CAMTA1: variants seen among roughly 807,000 people sequenced by gnomAD.
CAMTA1 encodes the protein calmodulin binding transcription activator 1.
CAMTA1 carries 27 observed loss-of-function variants against 170.9 expected under a neutral mutation model. The ratio of observed to expected loss-of-function variants is 0.16; its 90% confidence interval spans 0.12 to 0.22. The LOEUF (loss-of-function observed/expected upper bound fraction) is 0.22, where lower values mean the gene tolerates loss of function less well. Ranked by LOEUF, CAMTA1 falls within the 10% of genes least tolerant of loss-of-function variation. CAMTA1 has a pLI of 1.00. For synonymous variants in CAMTA1, 833 were observed against 891.5 expected (o/e 0.93, Z 1.17); for missense variants, 1,619 against 2,217.2 (o/e 0.73, Z 5.42).
At chr1:7,677,538 G>A in intron 10 of CAMTA1, 61 bp from the exon 11 acceptor site, 1 of 1,568,608 alleles carries the variant, frequency 6.4e-7, no homozygotes, top group Non-Finnish European at 8.7e-7. Context: ...GGCCCTGTGT[G>A]GTTCACCAGG....
chr1:7,288,007 G>A (rs1672588941), intron 5 of CAMTA1, among the ~76,000 whole-genome samples: 1 of 152,226 alleles, frequency 6.6e-6, no homozygotes, highest in Non-Finnish European at 1.5e-5. Context: ...TATCCAGTTA[G>A]TTTGGTGACT....
chr1:7,153,880 G>C (rs1324919201), intron 4 of CAMTA1, among the ~76,000 whole-genome samples: 2 of 152,200 alleles, frequency 1.3e-5, no homozygotes, highest in Non-Finnish European at 2.9e-5. Context: ...CCCTGAGAAG[G>C]CTGCATGGTG....
chr1:7,583,390 A>G (rs2150411342), intron 6 of CAMTA1, among the ~76,000 whole-genome samples: 1 of 152,216 alleles, frequency 6.6e-6, no homozygotes, highest in South Asian at 2.1e-4. Context: ...GGGTACTCTG[A>G]GCTCTAGGAA....
intron 6 of CAMTA1, among the ~76,000 whole-genome samples, chr1:7,639,351 G>A (rs1195912561): frequency 6.6e-6 from 1 of 152,180 alleles, no homozygotes; most frequent in Non-Finnish European, 1.5e-5. Flanking sequence ...GTGCCCAGAA[G>A]TTTGGGAAAC....
chr1:7,638,366 C>T (rs1221656101), intron 6 of CAMTA1, among the ~76,000 whole-genome samples: 1 of 152,296 alleles, frequency 6.6e-6, no homozygotes, highest in African/African-American at 2.4e-5. Flanking sequence ...TCAGGCCAGG[C>T]GCAGTGGCTC....
intron 11 of CAMTA1, among the ~76,000 whole-genome samples, chr1:7,695,879 G>A (rs899897169): frequency 6.6e-6 from 1 of 152,172 alleles, no homozygotes; most frequent in Non-Finnish European, 1.5e-5. Context: ...TGCAGGAGAC[G>A]GCTGTCATTT....
intron 4 of CAMTA1, among the ~76,000 whole-genome samples, chr1:7,128,884 A>C (rs1645088002): frequency 8.0e-6 from 1 of 125,284 alleles, no homozygotes; most frequent in Non-Finnish European, 1.6e-5. Flanking sequence ...TCTGTTGGCC[A>C]GGCTGAAGTG....
At chr1:6,902,072 C>CAAAAAAAAAAAA in intron 3 of CAMTA1, among the ~76,000 whole-genome samples, 1 of 88,470 alleles carries the variant, frequency 1.1e-5, no homozygotes, top group Non-Finnish European at 2.6e-5. Context: ...CACACACACA[C>CAAAAAAAAAAAA]AAAAAAAAAA....
intron 4 of CAMTA1, among the ~76,000 whole-genome samples, chr1:7,214,177 T>C (rs1460101874): frequency 6.6e-6 from 1 of 152,176 alleles, no homozygotes; most frequent in East Asian, 1.9e-4. Flanking sequence ...CCCTGAGGAA[T>C]CGCCACACTG....
chr1:7,421,334 A>T (rs901815046), intron 5 of CAMTA1, among the ~76,000 whole-genome samples: 1 of 151,964 alleles, frequency 6.6e-6, no homozygotes, highest in Non-Finnish European at 1.5e-5. Flanking sequence ...TGTAATTTTT[A>T]GTAGAGACGG....
chr1:6,983,660 C>T (rs1572212431), intron 3 of CAMTA1, among the ~76,000 whole-genome samples: 1 of 148,842 alleles, frequency 6.7e-6, no homozygotes, highest in Non-Finnish European at 1.5e-5. Flanking sequence ...AGCAGGCACT[C>T]AATAATTGGA....
At chr1:7,082,397 C>T (rs574693864) in intron 3 of CAMTA1, among the ~76,000 whole-genome samples, 19 of 152,076 alleles carry the variant, frequency 1.2e-4, no homozygotes, top group Non-Finnish European at 1.6e-4. Context: ...AAGATCATGC[C>T]GCTGCCTTCC....
At chr1:7,307,599 G>T (rs926507089) in intron 5 of CAMTA1, among the ~76,000 whole-genome samples, 1 of 152,036 alleles carries the variant, frequency 6.6e-6, no homozygotes, top group East Asian at 1.9e-4. Context: ...CCCTTCATCT[G>T]GTTGAGAATA....
Position 7,744,565 on chromosome 1 carries a change from G to A in CAMTA1, c.4183-270G>A, listed in dbSNP as rs539732842. The stretch of plus-strand genomic sequence containing the variant: ...CATTAATTGGTTGACCCTGAGAGTA[G>A]GGAGTACATACAAGCCAGAAGTTCT... On this transcript the variant is annotated intron_variant, in intron 16 of 22. Transcript: ENST00000303635. 5.9e-5 allele frequency among the ~76,000 whole-genome samples: 9 copies of A among 152,304 alleles called. No homozygotes were observed. In the South Asian group the frequency reaches 1.9e-3, roughly 32 times the overall value.
chr1:7,472,319 G>A (rs972863837), intron 6 of CAMTA1, among the ~76,000 whole-genome samples: 1 of 152,086 alleles, frequency 6.6e-6, no homozygotes, highest in Non-Finnish European at 1.5e-5. Context: ...AGCTCCTTGG[G>A]GGACTCTGGA....
Position 7,670,843 on chromosome 1 carries a change from G to A in CAMTA1, c.2653-68G>A, listed in dbSNP as rs953413338. ...CCATCTGAGCAGTGAAGCCTCAGGG[G>A]GGCTTCCCCATGCTGCCTCCCACAG... On this transcript the variant is annotated intron_variant, in intron 9 of 22. Coordinates refer to ENST00000303635, the MANE Select transcript of CAMTA1 (RefSeq NM_015215.4). The A allele has an allele frequency of 7.6e-6, 12 of 1,570,692 alleles. No homozygotes were observed. The African/African-American group carries it at 1.5e-4, about 19-fold the overall frequency.
At chr1:7,229,535 G>A (rs1403634219) in intron 4 of CAMTA1, among the ~76,000 whole-genome samples, 1 of 86,476 alleles carries the variant, frequency 1.2e-5, no homozygotes, top group African/African-American at 4.6e-5. Flanking sequence ...GAGGAGGGGA[G>A]GATTGGAGGA....
At chr1:7,168,293 T>C (rs567953398) in intron 4 of CAMTA1, among the ~76,000 whole-genome samples, 1 of 152,370 alleles carries the variant, frequency 6.6e-6, no homozygotes, top group East Asian at 1.9e-4. Context: ...TTGAGAGTTC[T>C]TTCTTCATTC....
At chr1:7,679,765 G>A (rs2096168093) in intron 11 of CAMTA1, among the ~76,000 whole-genome samples, 1 of 152,260 alleles carries the variant, frequency 6.6e-6, no homozygotes, top group African/African-American at 2.4e-5. Flanking sequence ...TAGCTCCGCA[G>A]CTTGGACCCC....
Sources: allele counts gnomAD v4.1 joint callset (sites outside exome capture counted in the v4.1 genomes callset), GRCh38; gene constraint gnomAD v4.1.1; transcripts MANE v1.5; gene names NCBI Gene and HGNC (gene_info 2026-07-23, HGNC 2026-07-21).